The following MAGI2 variants were observed in gnomAD, a reference collection of about 807,000 sequenced individuals.
MAGI2 encodes the protein membrane associated guanylate kinase, WW and PDZ domain containing 2.
A neutral mutation model predicts 133.3 loss-of-function variants in MAGI2; 35 were observed. That is an observed-to-expected ratio of 0.26 (90% CI 0.20 to 0.35). MAGI2 has a LOEUF of 0.35. MAGI2 is among the 10% of genes least tolerant of loss of function. The probability of loss-of-function intolerance (pLI) is 1.00; values close to 1 mark genes in which losing one functional copy is unlikely to be tolerated. For synonymous variants in MAGI2, 729 were observed against 710.6 expected, an observed-to-expected ratio of 1.03 and a Z score of -0.41; for missense variants, 1,636 against 1,863.4, an observed-to-expected ratio of 0.88 and a Z score of 2.25.
At chr7:79,386,671 C>G (rs1397585906) in intron 1 of MAGI2, among the ~76,000 whole-genome samples, 3 of 151,976 alleles carry the variant, frequency 2.0e-5, no homozygotes, top group African/African-American at 4.8e-5. Flanking sequence ...GGAATAACAC[C>G]GAGGACAATT....
chr7:79,211,780 T>C (rs1235408482), intron 1 of MAGI2, among the ~76,000 whole-genome samples: 2 of 152,102 alleles, frequency 1.3e-5, no homozygotes, highest in East Asian at 1.9e-4. Flanking sequence ...ACTGGGTTAA[T>C]AGGAGGGTGG....
chr7:78,052,218 T>G (rs1021393347), intron 21 of MAGI2, among the ~76,000 whole-genome samples: 1 of 152,122 alleles, frequency 6.6e-6, no homozygotes, highest in African/African-American at 2.4e-5. Context: ...TCCCCAGTGT[T>G]GGAGGTAGGG....
At chr7:78,343,569 AAAG>A (rs1790607739) in intron 9 of MAGI2, among the ~76,000 whole-genome samples, 1 of 152,232 alleles carries the variant, frequency 6.6e-6, no homozygotes, top group South Asian at 2.1e-4. Context: ...GTAGTTTAAA[AAAG>A]AAGGCAAAAA....
At chr7:78,670,243 T>A (rs900169466) in intron 2 of MAGI2, among the ~76,000 whole-genome samples, 64 of 152,290 alleles carry the variant, frequency 4.2e-4, no homozygotes, top group Non-Finnish European at 7.2e-4. Context: ...ACAAAATCAA[T>A]GTGCAGAAAT....
At chr7:78,145,588 T>C (rs552024796) in intron 16 of MAGI2, among the ~76,000 whole-genome samples, 1 of 152,262 alleles carries the variant, frequency 6.6e-6, no homozygotes, top group African/African-American at 2.4e-5. Flanking sequence ...AAGGGCAAAT[T>C]TGGCCCCCTG....
At chr7:79,040,469 C>T (rs527774823) in intron 1 of MAGI2, among the ~76,000 whole-genome samples, 5 of 151,992 alleles carry the variant, frequency 3.3e-5, no homozygotes, top group Admixed American at 1.3e-4. Flanking sequence ...GAAGGGCAAG[C>T]GGGAGGGAGA....
rs371291362 is a variant in MAGI2, at chr7:78,794,413, T to G, written c.419-167174A>C. 5.9e-5 allele frequency among the ~76,000 whole-genome samples: 9 copies of G among 152,342 alleles called. No homozygotes were observed. In the South Asian group the frequency reaches 1.9e-3, roughly 32 times the overall value. ...ATAATTTACCATTCACAGACTTGTG[T>G]GGTTATAAAATTGTCAATGGAAATT... is the stretch of plus-strand genomic sequence containing the variant. On this transcript the variant is annotated intron_variant, in intron 2 of 21. Transcript: ENST00000354212.
chr7:78,853,677 C>G (rs1413278371), intron 2 of MAGI2, among the ~76,000 whole-genome samples: 3 of 151,996 alleles, frequency 2.0e-5, no homozygotes, highest in South Asian at 4.1e-4. Context: ...TAATATCCTG[C>G]TCCTGCTCTG....
intron 2 of MAGI2, among the ~76,000 whole-genome samples, chr7:78,934,015 T>C (rs1443477183): frequency 6.6e-6 from 1 of 152,156 alleles, no homozygotes; most frequent in African/African-American, 2.4e-5. Context: ...ACTTCAAGCC[T>C]GCCATTGTCT....
chr7:78,340,957 G>C (rs921169384), intron 9 of MAGI2, among the ~76,000 whole-genome samples: 5 of 152,038 alleles, frequency 3.3e-5, no homozygotes, highest in Admixed American at 2.6e-4. Flanking sequence ...TTCTGGCTGG[G>C]GCAATCAGGC....
intron 1 of MAGI2, among the ~76,000 whole-genome samples, chr7:79,041,516 G>C (rs987091382): frequency 6.6e-6 from 1 of 152,044 alleles, no homozygotes; most frequent in Non-Finnish European, 1.5e-5. Flanking sequence ...TTGAGTAATA[G>C]TAAAGTTCAT....
intron 1 of MAGI2, among the ~76,000 whole-genome samples, chr7:79,407,746 T>C (rs1845902523): frequency 6.6e-6 from 1 of 152,042 alleles, no homozygotes; most frequent in Admixed American, 6.6e-5. Context: ...GAACTTCAAA[T>C]AGACCTAAAA....
chr7:79,060,983 T>C (rs536211868), intron 1 of MAGI2, among the ~76,000 whole-genome samples: 24 of 152,128 alleles, frequency 1.6e-4, no homozygotes, highest in Non-Finnish European at 3.2e-4. Flanking sequence ...GGTTATATTG[T>C]TGAGCCTATG....
intron 9 of MAGI2, among the ~76,000 whole-genome samples, chr7:78,274,594 T>G (rs575332277): frequency 6.7e-6 from 1 of 149,988 alleles, no homozygotes; most frequent in Non-Finnish European, 1.5e-5. Context: ...TATCTATAAG[T>G]CCCTGACTGG....
intron 2 of MAGI2, among the ~76,000 whole-genome samples, chr7:78,647,788 C>A (rs1811055412): frequency 6.6e-6 from 1 of 152,088 alleles, no homozygotes; most frequent in Non-Finnish European, 1.5e-5. Context: ...AAATGTGGCC[C>A]ATATACACCA....
intron 1 of MAGI2, among the ~76,000 whole-genome samples, chr7:79,186,238 A>ATT (rs1212425792): frequency 4.6e-5 from 4 of 87,396 alleles, no homozygotes; most frequent in African/African-American, 9.6e-5. Context: ...ATATATATAT[A>ATT]TATATTTATA....
intron 2 of MAGI2, among the ~76,000 whole-genome samples, chr7:78,954,105 CTT>C (rs1802090121): frequency 6.6e-6 from 1 of 152,084 alleles, no homozygotes; most frequent in African/African-American, 2.4e-5. Flanking sequence ...CCTTTGTCAT[CTT>C]AAAATGTATC....
At chr7:79,186,191 A>AATATATATATATATATATAT (rs60719172) in intron 1 of MAGI2, among the ~76,000 whole-genome samples, 26 of 111,788 alleles carry the variant, frequency 2.3e-4, no homozygotes, top group East Asian at 8.5e-4. Context: ...TGCCTGGGAA[A>AATATATATATATATATATAT]ATATATATAT....
intron 3 of MAGI2, among the ~76,000 whole-genome samples, chr7:78,604,904 G>A (rs1220391984): frequency 6.6e-6 from 1 of 152,038 alleles, no homozygotes; most frequent in African/African-American, 2.4e-5. Flanking sequence ...ATAATCTGTT[G>A]CTTCTGAATG....
Sources: allele counts gnomAD v4.1 joint callset (sites outside exome capture counted in the v4.1 genomes callset), GRCh38; gene constraint gnomAD v4.1.1; transcripts MANE v1.5; gene names NCBI Gene and HGNC (gene_info 2026-07-23, HGNC 2026-07-21).